Variants in MSH3 observed in about 807,000 individuals in gnomAD.
MSH3 encodes mutS homolog 3, also known as DNA mismatch repair protein Msh3.
MSH3 carries 106 observed loss-of-function variants against 123.3 expected under a neutral mutation model. The observed-to-expected ratio is 0.86, with a 90% CI of 0.73 to 1.01. MSH3 has a LOEUF of 1.01. MSH3 is among the 50% of genes least tolerant of loss of function. The pLI is 0.00. For missense variants in MSH3, 1,459 were observed against 1,347.6 expected, an observed-to-expected ratio of 1.08 and a Z score of -1.29; for synonymous variants, 515 against 481.4, an observed-to-expected ratio of 1.07 and a Z score of -0.91.
At chr5:80,818,187 C>T (rs1745138268) in intron 20 of MSH3, among the ~76,000 whole-genome samples, 1 of 152,050 alleles carries the variant, frequency 6.6e-6, no homozygotes, top group Non-Finnish European at 1.5e-5. Context: ...CCACTGCACT[C>T]CAGCCTGGGC....
chr5:80,802,843 G>A (rs536512030), intron 19 of MSH3, among the ~76,000 whole-genome samples: 5 of 152,184 alleles, frequency 3.3e-5, no homozygotes, highest in Admixed American at 3.3e-4. Flanking sequence ...TTTGTGGCTG[G>A]CTTATTTCAC....
chr5:80,753,808 G>A (rs1434659354), intron 12 of MSH3, among the ~76,000 whole-genome samples: 1 of 152,084 alleles, frequency 6.6e-6, no homozygotes, highest in African/African-American at 2.4e-5. Context: ...AGCTTCCAAC[G>A]TCATCTTGAG....
chr5:80,853,534 A>G (rs532720542), intron 20 of MSH3, among the ~76,000 whole-genome samples: 2 of 152,268 alleles, frequency 1.3e-5, no homozygotes, highest in South Asian at 4.1e-4. Flanking sequence ...TCTTACAGAA[A>G]AGAAATTTAA....
chr5:80,711,179 T>C (rs1002177288), intron 8 of MSH3, among the ~76,000 whole-genome samples: 18 of 152,214 alleles, frequency 1.2e-4, no homozygotes, highest in African/African-American at 4.1e-4. Flanking sequence ...CTTAGCCTTT[T>C]GAACAGCCCA....
intron 17 of MSH3, among the ~76,000 whole-genome samples, chr5:80,779,147 T>C (rs1242535078): frequency 1.3e-5 from 2 of 151,688 alleles, no homozygotes; most frequent in Non-Finnish European, 1.5e-5. Flanking sequence ...CACCCACCAC[T>C]ACACCCAGCT....
chr5:80,678,271 C>T (rs1749886523), intron 7 of MSH3, among the ~76,000 whole-genome samples: 1 of 152,176 alleles, frequency 6.6e-6, no homozygotes, highest in South Asian at 2.1e-4. Flanking sequence ...TAGAAACTTC[C>T]TATCACTTCT....
chr5:80,769,871 A>G (rs1235396673), intron 15 of MSH3, among the ~76,000 whole-genome samples: 1 of 152,144 alleles, frequency 6.6e-6, no homozygotes, highest in Non-Finnish European at 1.5e-5. Context: ...TGTTGAATGT[A>G]TAGTTATTTG....
chr5:80,691,906 T>C (rs1350780400), intron 8 of MSH3, among the ~76,000 whole-genome samples: 1 of 134,332 alleles, frequency 7.4e-6, no homozygotes, highest in Non-Finnish European at 1.6e-5. Context: ...TTTATATAGA[T>C]AAACATGTAT....
chr5:80,795,511 G>T (rs1360152864), intron 19 of MSH3, among the ~76,000 whole-genome samples: 1 of 152,112 alleles, frequency 6.6e-6, no homozygotes, highest in East Asian at 1.9e-4. Context: ...TATTCACACA[G>T]TGGAAGGGAT....
In MSH3 at chr5:80,731,062, C is replaced by G. The variant is rs187681261; in HGVS notation, c.1568+2097C>G. ...GGATTACAGGTGCACGCCACCGCGCCCAGCTAATTTTTTGTATTTTTAGTA... is the reference window on the plus strand; with the variant it reads ...GGATTACAGGTGCACGCCACCGCGCGCAGCTAATTTTTTGTATTTTTAGTA... On this transcript the variant is annotated intron_variant, in intron 10 of 23. Coordinates refer to ENST00000265081, the MANE Select transcript of MSH3 (RefSeq NM_002439.5). Among the ~76,000 whole-genome samples, 474 of 151,710 alleles carry G rather than the reference C, an allele frequency of 3.1e-3. 1 individual carries two copies. The highest frequency in any genetic ancestry group is 5.1e-3 in the Non-Finnish European group (346 of 67,908).
At chr5:80,696,139 C>T (rs986399785) in intron 8 of MSH3, among the ~76,000 whole-genome samples, 7 of 152,166 alleles carry the variant, frequency 4.6e-5, no homozygotes, top group Non-Finnish European at 7.4e-5. Context: ...ACACCATCCC[C>T]GTAAGGAGTG....
At position 80,679,125 on chromosome 5, in the gene MSH3, G is replaced by A. The variant is rs111648057; in HGVS notation, c.1340+32G>A. On this transcript the variant is annotated intron_variant, in intron 8 of 23. Coordinates refer to ENST00000265081, the MANE Select transcript of MSH3 (RefSeq NM_002439.5). ...TGGCACATCACTGGAATATAATACC[G>A]ATTCTGAAACTTAGGTTTAGTTCCA... is the stretch of plus-strand genomic sequence containing the variant. 1.2e-4 allele frequency: 188 copies of A among 1,607,810 alleles called. 1 individual carries two copies. The Middle Eastern group carries it at 2.9e-3, about 24-fold the overall frequency.
chr5:80,811,708 A>G lies in MSH3; in HGVS notation c.2656-1876A>G, dbSNP rs546100172. On this transcript the variant is annotated intron_variant, in intron 19 of 23. Coordinates refer to ENST00000265081, the MANE Select transcript of MSH3 (RefSeq NM_002439.5). ...TTGTGGAAGGGCTTTTACAAATGTAATAAATATAGGATTGTTAGATTTTCT... is the reference window on the plus strand; with the variant it reads ...TTGTGGAAGGGCTTTTACAAATGTAGTAAATATAGGATTGTTAGATTTTCT... Among the ~76,000 whole-genome samples, 21 of 152,284 alleles carry G rather than the reference A, an allele frequency of 1.4e-4. No homozygotes were observed. The East Asian group carries it at 3.7e-3, about 27-fold the overall frequency.
At chr5:80,763,877 A>G (rs1744082439) in intron 13 of MSH3, among the ~76,000 whole-genome samples, 1 of 152,270 alleles carries the variant, frequency 6.6e-6, no homozygotes, top group Non-Finnish European at 1.5e-5. Context: ...ATGCAGTGCA[A>G]GAATGACTTA....
At chr5:80,769,302 C>T (rs973919889) in intron 15 of MSH3, among the ~76,000 whole-genome samples, 1 of 151,864 alleles carries the variant, frequency 6.6e-6, no homozygotes, top group Non-Finnish European at 1.5e-5. Flanking sequence ...TTCATTTGTT[C>T]TAAATCCAGG....
intron 13 of MSH3, among the ~76,000 whole-genome samples, chr5:80,764,516 A>ATTT (rs575667262): frequency 1.4e-3 from 179 of 128,808 alleles, no homozygotes; most frequent in East Asian, 5.0e-3. Context: ...ATGCCCAGCT[A>ATTT]TTTTTTTTTT....
intron 19 of MSH3, among the ~76,000 whole-genome samples, chr5:80,799,806 A>C (rs1744762597): frequency 6.6e-6 from 1 of 152,110 alleles, no homozygotes; most frequent in Non-Finnish European, 1.5e-5. Flanking sequence ...AAAGATATTT[A>C]GCTTTAGGCC....
chr5:80,824,992 G>A (rs1745269070), intron 20 of MSH3, among the ~76,000 whole-genome samples: 1 of 152,024 alleles, frequency 6.6e-6, no homozygotes, highest in South Asian at 2.1e-4. Context: ...CACTGGAAAG[G>A]AATCTACATG....
intron 19 of MSH3, among the ~76,000 whole-genome samples, chr5:80,793,761 T>C (rs1377970041): frequency 1.3e-5 from 2 of 152,174 alleles, no homozygotes; most frequent in Non-Finnish European, 2.9e-5. Context: ...TCAAGAAATT[T>C]GCATTTTTAC....
Sources: allele counts gnomAD v4.1 joint callset (sites outside exome capture counted in the v4.1 genomes callset), GRCh38; gene constraint gnomAD v4.1.1; transcripts MANE v1.5; gene names NCBI Gene and HGNC (gene_info 2026-07-23, HGNC 2026-07-21).